The following PARP8 variants were observed in gnomAD, a reference collection of about 807,000 sequenced individuals.
PARP8 encodes protein mono-ADP-ribosyltransferase PARP8.
In PARP8, 51 loss-of-function variants were observed where a neutral mutation model predicts 124.1. That is an observed-to-expected ratio of 0.41 (90% CI 0.33 to 0.52). The LOEUF (loss-of-function observed/expected upper bound fraction) is 0.52. PARP8 is among the 20% of genes least tolerant of loss of function. PARP8 has a pLI of 0.21. For missense variants in PARP8, 860 were observed against 1,018.9 expected (o/e 0.84, Z 2.12); for synonymous variants, 391 against 361.5 (o/e 1.08, Z -0.93).
intron 18 of PARP8, among the ~76,000 whole-genome samples, chr5:50,825,936 G>T (rs1746298220): frequency 6.6e-6 from 1 of 152,084 alleles, no homozygotes; most frequent in African/African-American, 2.4e-5. Context: ...CAAAAATTAG[G>T]TATAGAAGCC....
At chr5:50,834,795 G>A (rs757709797) in intron 24 of PARP8, 136 bp from the exon 25 acceptor site, 1 of 748,472 alleles carries the variant, frequency 1.3e-6, no homozygotes, top group Non-Finnish European at 2.4e-6. Flanking sequence ...AGACAATAAG[G>A]CTAAACAATT....
At chr5:50,799,520 A>G (rs1742952169) in intron 14 of PARP8, among the ~76,000 whole-genome samples, 1 of 152,194 alleles carries the variant, frequency 6.6e-6, no homozygotes, top group Admixed American at 6.5e-5. Context: ...TTTGTGTTTT[A>G]TAAGATTGCA....
intron 2 of PARP8, among the ~76,000 whole-genome samples, chr5:50,685,091 G>A (rs1241446190): frequency 6.6e-6 from 1 of 152,106 alleles, no homozygotes; most frequent in Non-Finnish European, 1.5e-5. Context: ...GTTATTTGCA[G>A]TTGATTAGAG....
At position 50,788,570 on chromosome 5, in the gene PARP8, T is replaced by C. The variant is rs1326314427; in HGVS notation, c.718T>C (p.Leu240=). The change falls in exon 10 of 26, where the codon TTG becomes CTG. Residue 240 remains leucine (L), a synonymous_variant. Transcript: ENST00000281631. Reference sequence around the variant, plus strand: ...GATTTCCACAAAAGAGCGATTTGGATTGGGACATCAGCTGAAAAAGTAAGT... The same window carrying C: ...GATTTCCACAAAAGAGCGATTTGGACTGGGACATCAGCTGAAAAAGTAAGT... ...FQISTKERFG[L]GHQLKKIMQT... 2.5e-6 allele frequency: 4 copies of C among 1,613,104 alleles called. No individual in the cohort carries two copies. The highest frequency in any genetic ancestry group is 1.7e-5 in the Admixed American group (1 of 59,904).
intron 2 of PARP8, among the ~76,000 whole-genome samples, chr5:50,695,208 C>T (rs951656484): frequency 1.3e-5 from 2 of 152,192 alleles, no homozygotes; most frequent in Non-Finnish European, 2.9e-5. Context: ...ATGAAGTAAT[C>T]AGCTCCCAAG....
At chr5:50,754,150 TACAC>T (rs1253764538) in intron 3 of PARP8, among the ~76,000 whole-genome samples, 4 of 37,224 alleles carry the variant, frequency 1.1e-4, no homozygotes, top group Admixed American at 2.6e-4. Flanking sequence ...TATATATATA[TACAC>T]ACACACACAC....
chr5:50,688,177 G>A (rs896814018), intron 2 of PARP8, among the ~76,000 whole-genome samples: 1 of 152,118 alleles, frequency 6.6e-6, no homozygotes, highest in African/African-American at 2.4e-5. Flanking sequence ...AATAGATATT[G>A]GTACAATAAC....
At chr5:50,744,132 C>T (rs772889175) in intron 2 of PARP8, among the ~76,000 whole-genome samples, 4 of 152,064 alleles carry the variant, frequency 2.6e-5, no homozygotes, top group Admixed American at 6.6e-5. Flanking sequence ...ATTGGTGCAT[C>T]GAAAAACTCT....
At position 50,774,578 on chromosome 5, in the gene PARP8, C is replaced by T. The variant is rs190316035; in HGVS notation, c.519-3491C>T. On this transcript the variant is annotated intron_variant, in intron 7 of 25. Transcript: ENST00000281631. The stretch of plus-strand genomic sequence containing the variant: ...CAGATGATGGGCGGCCGGGCAGAGG[C>T]GCTCCTCACCTCCCAGACAGGGCGG... 3.0e-3 allele frequency among the ~76,000 whole-genome samples: 403 copies of T among 133,676 alleles called. 3 individuals are homozygous for T. Among genetic ancestry groups the T allele is most frequent in the African/African-American group, 0.011 (369 of 34,200 alleles). 87.7% of individuals were successfully genotyped at this position (133,676 alleles called of 152,430 possible).
chr5:50,676,626 T>A (rs1750670079), intron 2 of PARP8, among the ~76,000 whole-genome samples: 1 of 152,340 alleles, frequency 6.6e-6, no homozygotes, highest in African/African-American at 2.4e-5. Context: ...GTAGAGCTTC[T>A]TAGTGAGCAG....
intron 14 of PARP8, among the ~76,000 whole-genome samples, chr5:50,808,684 T>A (rs1460547165): frequency 6.6e-6 from 1 of 152,076 alleles, no homozygotes; most frequent in Non-Finnish European, 1.5e-5. Flanking sequence ...GAAAGCAGTA[T>A]GGCCTGACTC....
At chr5:50,740,749 G>A (rs2149533550) in intron 2 of PARP8, among the ~76,000 whole-genome samples, 1 of 151,906 alleles carries the variant, frequency 6.6e-6, no homozygotes, top group East Asian at 1.9e-4. Context: ...GGAAGTCGAG[G>A]CTGCAGTGAA....
rs1373564008 is a variant in PARP8, at chr5:50,797,029, G to A, written c.1476G>A (p.Val492=). ...CIPVRDRGFL[V]QTIEFAEQRI... ...CAGTACGAGACCGTGGCTTCCTGGT[G>A]CAGGTATGAGCCAAAACTCTATCCA... Residue 492 remains valine, a synonymous_variant, in exon 13 of 26, where the codon GTG becomes GTA. Transcript: ENST00000281631. 2 of 1,612,848 alleles carry A rather than the reference G, an allele frequency of 1.2e-6. No homozygotes were observed. The highest frequency in any genetic ancestry group is 1.3e-5 in the African/African-American group (1 of 74,882).
In PARP8 at chr5:50,698,686, C is replaced by T. The variant is rs146846280; in HGVS notation, c.146+30561C>T. 4.0e-4 allele frequency among the ~76,000 whole-genome samples: 61 copies of T among 152,268 alleles called. No homozygotes were observed. In the East Asian group the frequency reaches 0.011, roughly 27 times the overall value. ...TGATGAGATAGTACCTTTATCCCTT[C>T]TCTTAATGGATTGAGAACCCACTGG... On this transcript the variant is annotated intron_variant, in intron 2 of 25. Transcript: ENST00000281631.
intron 7 of PARP8, among the ~76,000 whole-genome samples, chr5:50,772,853 C>T (rs1761768395): frequency 6.6e-6 from 1 of 152,058 alleles, no homozygotes; most frequent in Admixed American, 6.6e-5. Context: ...TGTGCCACCA[C>T]ACCTGGCTAA....
rs550391769 is a variant in PARP8 at position 50,845,922 on chromosome 5, C to T, written c.*3854C>T. On this transcript the variant is annotated 3_prime_UTR_variant, in exon 26 of 26. Transcript: ENST00000281631. ...TATATAGATTTGATGTATATTATTACCCAGTAAATTCTTCTTGGGAATTTT... is the reference window on the plus strand; with the variant it reads ...TATATAGATTTGATGTATATTATTATCCAGTAAATTCTTCTTGGGAATTTT... The T allele has an allele frequency of 1.3e-5, 2 of 151,640 alleles. No individual in the cohort carries two copies. The highest frequency in any genetic ancestry group is 4.8e-5 in the African/African-American group (2 of 41,350). The allele number at this position is 151,640 out of a possible 1,614,324, so 9.4% of individuals were successfully genotyped here. A position where few individuals can be genotyped will look rare whatever the true frequency, so the allele number is the denominator to read the frequency against.
intron 19 of PARP8, 147 bp downstream of exon 19, chr5:50,826,950 C>T: frequency 3.4e-6 from 4 of 1,172,606 alleles, no homozygotes; most frequent in South Asian, 3.3e-5. Context: ...TTTGAAATAG[C>T]CATTGCTCAC....
chr5:50,780,556 C>T (rs181056429), intron 9 of PARP8, among the ~76,000 whole-genome samples: 4 of 152,066 alleles, frequency 2.6e-5, no homozygotes, highest in East Asian at 1.9e-4. Context: ...TTTACATTTG[C>T]GTGGTTTTAT....
chr5:50,706,960 AT>A (rs1289897739), intron 2 of PARP8, among the ~76,000 whole-genome samples: 1 of 152,072 alleles, frequency 6.6e-6, no homozygotes, highest in Non-Finnish European at 1.5e-5. Flanking sequence ...TAGCACGCAT[AT>A]ATCTTGCTTA....
Sources: allele counts gnomAD v4.1 joint callset (sites outside exome capture counted in the v4.1 genomes callset), GRCh38; gene constraint gnomAD v4.1.1; transcripts MANE v1.5; gene names NCBI Gene and HGNC (gene_info 2026-07-23, HGNC 2026-07-21).